Variants in BBX observed in about 807,000 individuals in gnomAD.
BBX encodes BBX high mobility group box domain containing, also known as HMG box transcription factor BBX.
In BBX, 30 loss-of-function variants were observed where a neutral mutation model predicts 100.2. The ratio of observed to expected loss-of-function variants is 0.30; its 90% CI spans 0.22 to 0.41. The LOEUF is 0.41. BBX is among the 10% of genes least tolerant of loss of function. The pLI is 1.00. For synonymous variants in BBX, 376 were observed against 388.1 expected (o/e 0.97, Z 0.37); for missense variants, 1,023 against 1,129.8 (o/e 0.91, Z 1.35).
At chr3:107,611,713 C>CT (rs1019631872) in intron 2 of BBX, among the ~76,000 whole-genome samples, 1 of 151,938 alleles carries the variant, frequency 6.6e-6, no homozygotes, top group Non-Finnish European at 1.5e-5. Context: ...TTGAGGTAGT[C>CT]TTTTTTGGTT....
At chr3:107,666,117 G>C (rs2058728737) in intron 3 of BBX, among the ~76,000 whole-genome samples, 1 of 152,180 alleles carries the variant, frequency 6.6e-6, no homozygotes, top group African/African-American at 2.4e-5. Flanking sequence ...TTCATCTTGT[G>C]AGTACTTTTG....
chr3:107,750,547 T>C (rs763987537), intron 9 of BBX, among the ~76,000 whole-genome samples: 13 of 152,240 alleles, frequency 8.5e-5, no homozygotes, highest in Admixed American at 4.6e-4. Context: ...AAATGTTATA[T>C]GTGTTTATAC....
At chr3:107,652,946 G>T (rs574016071) in intron 3 of BBX, among the ~76,000 whole-genome samples, 1 of 152,104 alleles carries the variant, frequency 6.6e-6, no homozygotes, top group Non-Finnish European at 1.5e-5. Flanking sequence ...AGTCTATTTT[G>T]TGCATGTCTG....
At chr3:107,728,489 C>T (rs2063109935) in intron 5 of BBX, among the ~76,000 whole-genome samples, 1 of 152,102 alleles carries the variant, frequency 6.6e-6, no homozygotes, top group South Asian at 2.1e-4. Flanking sequence ...CCACCGAGGT[C>T]AGAAAGCTTT....
At chr3:107,580,882 C>T (rs977210345) in intron 2 of BBX, among the ~76,000 whole-genome samples, 9 of 152,188 alleles carry the variant, frequency 5.9e-5, no homozygotes, top group Admixed American at 1.3e-4. Context: ...CCGCCCGCCT[C>T]GGCCTCCTAA....
intron 6 of BBX, among the ~76,000 whole-genome samples, chr3:107,730,397 A>G (rs1400595701): frequency 1.3e-5 from 2 of 152,222 alleles, no homozygotes; most frequent in East Asian, 3.9e-4. Context: ...ACTGACTTCC[A>G]GCTGATTTTC....
intron 2 of BBX, among the ~76,000 whole-genome samples, chr3:107,594,071 CA>C (rs1336821315): frequency 1.3e-5 from 2 of 152,138 alleles, no homozygotes; most frequent in Non-Finnish European, 2.9e-5. Flanking sequence ...CTCTTAGTGT[CA>C]GATAGCAGTT....
chr3:107,721,427 C>T (rs1420844126), intron 5 of BBX, among the ~76,000 whole-genome samples: 1 of 151,846 alleles, frequency 6.6e-6, no homozygotes, highest in Non-Finnish European at 1.5e-5. Context: ...TGCCATTTCT[C>T]TCCTCCGTCA....
rs146473670 is a variant in BBX, at chr3:107,569,875, C to T, written c.-84+43477C>T. ...GTGTCTGTGATGGTCCAGAAGGCTT[C>T]CAAGGTGATTGGGCAGCGTCAGTCT... On this transcript the variant is annotated intron_variant, in intron 2 of 17. Transcript: ENST00000325805. 2.8e-3 allele frequency among the ~76,000 whole-genome samples: 423 copies of T among 152,272 alleles called. 3 individuals carry two copies. The highest frequency in any genetic ancestry group is 9.8e-3 in the African/African-American group (408 of 41,546).
At chr3:107,548,354 G>A (rs937636714) in intron 2 of BBX, among the ~76,000 whole-genome samples, 1 of 152,164 alleles carries the variant, frequency 6.6e-6, no homozygotes, top group African/African-American at 2.4e-5. Flanking sequence ...GCGTATCTGT[G>A]TTTATGTGTG....
At position 107,631,268 on chromosome 3, in the gene BBX, G is replaced by A. The variant is rs141475138; in HGVS notation, c.-83-14568G>A. On this transcript the variant is annotated intron_variant, in intron 2 of 17. Transcript: ENST00000325805. The stretch of plus-strand genomic sequence containing the variant: ...CTCATCCTAGGCACATCTGACTATA[G>A]CCTAATCAAACATACCTCATAAAGT... Among the ~76,000 whole-genome samples, 1,402 of 152,208 alleles carry A rather than the reference G, an allele frequency of 9.2e-3. 23 individuals are homozygous for A. Among genetic ancestry groups the A allele is most frequent in the African/African-American group, 0.032 (1,333 of 41,538 alleles).
intron 15 of BBX, among the ~76,000 whole-genome samples, chr3:107,797,368 T>TATATATATA (rs1553699340): frequency 2.1e-5 from 1 of 48,710 alleles, no homozygotes; most frequent in Non-Finnish European, 3.9e-5. Context: ...ATATATAGCT[T>TATATATATA]TATTGCCAAT....
At chr3:107,791,347 G>T in intron 15 of BBX, 48 bp downstream of exon 15, 3 of 1,472,658 alleles carry the variant, frequency 2.0e-6, no homozygotes, top group South Asian at 1.2e-5. Context: ...AGCTGGAAAT[G>T]ACATAAGTTG....
At chr3:107,700,421 A>ATTAT (rs1250037516) in intron 3 of BBX, among the ~76,000 whole-genome samples, 2 of 72,184 alleles carry the variant, frequency 2.8e-5, no homozygotes, top group African/African-American at 1.0e-4. Flanking sequence ...CATCATTATT[A>ATTAT]TTATTATTAT....
intron 3 of BBX, among the ~76,000 whole-genome samples, chr3:107,649,570 A>G (rs1304156063): frequency 6.6e-6 from 1 of 152,198 alleles, no homozygotes; most frequent in Non-Finnish European, 1.5e-5. Context: ...AAAAAGAAAG[A>G]TGTGATCAAA....
rs1165470567 is a variant in BBX, at chr3:107,650,330, C to G, written c.-10+4421C>G. On this transcript the variant is annotated intron_variant, in intron 3 of 17. Transcript: ENST00000325805. ...TATGAGGGATCTAGGTTGCATGCTCCTTATGAGAATCTAATGCCTGATGAT... is the reference window on the plus strand; with the variant it reads ...TATGAGGGATCTAGGTTGCATGCTCGTTATGAGAATCTAATGCCTGATGAT... Among the ~76,000 whole-genome samples, 5 of 152,134 alleles carry G rather than the reference C, an allele frequency of 3.3e-5. No individual in the cohort carries two copies. In the East Asian group the frequency reaches 9.7e-4, roughly 29 times the overall value.
At chr3:107,602,733 T>TA (rs1227089838) in intron 2 of BBX, among the ~76,000 whole-genome samples, 7 of 152,206 alleles carry the variant, frequency 4.6e-5, no homozygotes, top group Non-Finnish European at 7.3e-5. Context: ...AGACTGAAGA[T>TA]ATGACTGAAT....
chr3:107,630,114 C>G lies in BBX; in HGVS notation c.-83-15722C>G, dbSNP rs138013954. Among the ~76,000 whole-genome samples the G allele has an allele frequency of 4.7e-4, 72 of 152,282 alleles. No homozygotes were observed. The South Asian group carries it at 9.1e-3, about 19-fold the overall frequency. On this transcript the variant is annotated intron_variant, in intron 2 of 17. Coordinates refer to ENST00000325805, the MANE Select transcript of BBX (RefSeq NM_001142568.3). ...TCTATATCCATAGCGGTTCTCAAGT[C>G]TGACGGCACCTTAGAATCCCCTGGG...
chr3:107,760,331 C>T (rs557808654), intron 10 of BBX, among the ~76,000 whole-genome samples: 1 of 152,320 alleles, frequency 6.6e-6, no homozygotes, highest in African/African-American at 2.4e-5. Flanking sequence ...AATAAGATGA[C>T]AGATTGTCCA....
Sources: allele counts gnomAD v4.1 joint callset (sites outside exome capture counted in the v4.1 genomes callset), GRCh38; gene constraint gnomAD v4.1.1; transcripts MANE v1.5; gene names NCBI Gene and HGNC (gene_info 2026-07-23, HGNC 2026-07-21).